The following PRKDC variants were observed in gnomAD, a reference collection of about 807,000 sequenced individuals.
PRKDC encodes protein kinase, DNA-activated, catalytic subunit.
A neutral mutation model predicts 486.9 loss-of-function variants in PRKDC; 82 were observed. That is an observed-to-expected ratio of 0.17 (90% confidence interval 0.14 to 0.20). PRKDC has a LOEUF of 0.20. Among genes scored for constraint, PRKDC ranks in the 10% least tolerant of loss-of-function variants. The pLI, the probability that PRKDC is intolerant of heterozygous loss-of-function variation, is 1.00. For missense variants in PRKDC, 4,504 were observed against 5,038.2 expected, an observed-to-expected ratio of 0.89 and a Z score of 3.21; for synonymous variants, 1,895 against 1,837.0, an observed-to-expected ratio of 1.03 and a Z score of -0.81.
At chr8:47,908,626 A>G (rs1005611029) in intron 25 of PRKDC, among the ~76,000 whole-genome samples, 1 of 152,188 alleles carries the variant, frequency 6.6e-6, no homozygotes, top group Non-Finnish European at 1.5e-5. Context: ...ACATCTATGC[A>G]CATGTCAAGA....
At chr8:47,889,252 C>T (rs373339392) in intron 32 of PRKDC, 30 bp from the exon 33 acceptor site, 84 of 1,540,580 alleles carry the variant, frequency 5.5e-5, no homozygotes, top group Non-Finnish European at 6.4e-5. Flanking sequence ...AAAAACACTT[C>T]GTCAGCCAGC....
intron 74 of PRKDC, among the ~76,000 whole-genome samples, 195 bp from the exon 75 acceptor site, chr8:47,789,433 T>C (rs1040462939): frequency 2.0e-5 from 3 of 151,778 alleles, no homozygotes; most frequent in Admixed American, 2.0e-4. Context: ...CACCCAATGT[T>C]AAATGAAGCA....
chr8:47,917,298 A>G (rs2090001844), intron 22 of PRKDC, among the ~76,000 whole-genome samples: 1 of 152,194 alleles, frequency 6.6e-6, no homozygotes, highest in African/African-American at 2.4e-5. Flanking sequence ...TTTTATTTGT[A>G]AAACTAGAGA....
rs1275741223 is a variant in PRKDC at position 47,860,895 on chromosome 8, C to T, written c.6058+4G>A. 9 of 1,601,038 alleles carry T rather than the reference C, an allele frequency of 5.6e-6. No homozygotes were observed. The highest frequency in any genetic ancestry group is 4.5e-5 in the East Asian group (2 of 44,732). On this transcript the variant is annotated splice_donor_region_variant and intron_variant, in intron 45 of 85. Coordinates refer to ENST00000314191, the MANE Select transcript of PRKDC (RefSeq NM_006904.7). ...CCTTTCTCATGATTTTGAAAACATC[C>T]TACCTGAATCCCCATTTGCTGCTTC... is the stretch of plus-strand genomic sequence containing the variant.
intron 26 of PRKDC, among the ~76,000 whole-genome samples, chr8:47,904,248 G>T (rs918007284): frequency 6.6e-6 from 1 of 152,130 alleles, no homozygotes; most frequent in African/African-American, 2.4e-5. Flanking sequence ...GATATACTCA[G>T]AAATTCTTCT....
chr8:47,775,632 A>G (rs990838715), intron 85 of PRKDC, among the ~76,000 whole-genome samples: 1 of 152,036 alleles, frequency 6.6e-6, no homozygotes, highest in Admixed American at 6.6e-5. Flanking sequence ...CAGATACATG[A>G]CTTGCAAATA....
At chr8:47,845,777 T>C (rs1233640230) in intron 54 of PRKDC, among the ~76,000 whole-genome samples, 1 of 151,528 alleles carries the variant, frequency 6.6e-6, no homozygotes, top group African/African-American at 2.4e-5. Flanking sequence ...GTACGAATCC[T>C]ACTGAAACTA....
chr8:47,798,488 CT>C (rs773311166), intron 72 of PRKDC, 91 bp from the exon 73 acceptor site: 10 of 1,347,728 alleles, frequency 7.4e-6, no homozygotes, highest in South Asian at 1.7e-5. Context: ...CCCTTTTTGG[CT>C]TGTATTTTGT....
At chr8:47,882,774 C>T (rs1260282429) in intron 36 of PRKDC, among the ~76,000 whole-genome samples, 3 of 152,368 alleles carry the variant, frequency 2.0e-5, no homozygotes, top group Non-Finnish European at 4.4e-5. Flanking sequence ...ACATTTTTCA[C>T]AGATGTTCCA....
At chr8:47,836,029 A>G (rs917739681) in intron 58 of PRKDC, among the ~76,000 whole-genome samples, 4 of 152,142 alleles carry the variant, frequency 2.6e-5, no homozygotes, top group African/African-American at 9.7e-5. Context: ...CAGCTGGAAT[A>G]ACAGGAATGA....
intron 63 of PRKDC, among the ~76,000 whole-genome samples, chr8:47,825,580 A>T (rs1287649827): frequency 1.3e-5 from 2 of 152,164 alleles, no homozygotes; most frequent in East Asian, 1.9e-4. Context: ...AAAATATCAC[A>T]AAAGTATGAG....
intron 22 of PRKDC, 114 bp downstream of exon 22, chr8:47,918,163 C>CTACTT (rs1463383396): frequency 1.0e-5 from 7 of 677,034 alleles, no homozygotes; most frequent in African/African-American, 1.8e-5. Context: ...ATATTGTACT[C>CTACTT]TACTTTGTAT....
chr8:47,791,993 C>T (rs917454229), intron 74 of PRKDC, among the ~76,000 whole-genome samples: 1 of 152,058 alleles, frequency 6.6e-6, no homozygotes, highest in Non-Finnish European at 1.5e-5. Context: ...TACATACATG[C>T]AATAGAGTAC....
At chr8:47,776,775 A>G in intron 85 of PRKDC, 69 bp downstream of exon 85, 2 of 1,559,600 alleles carry the variant, frequency 1.3e-6, no homozygotes, top group Non-Finnish European at 1.8e-6. Context: ...CTTTGTATAT[A>G]TGTTGGCTCC....
At chr8:47,903,569 C>T (rs933244658) in intron 26 of PRKDC, among the ~76,000 whole-genome samples, 1 of 152,172 alleles carries the variant, frequency 6.6e-6, no homozygotes, top group Admixed American at 6.5e-5. Flanking sequence ...GCAGAGGTCA[C>T]CAGCGCCAAG....
intron 65 of PRKDC, 66 bp from the exon 66 acceptor site, chr8:47,821,009 T>A (rs2087581678): frequency 1.0e-6 from 1 of 991,390 alleles, no homozygotes; most frequent in African/African-American, 1.6e-5. Context: ...ATTATTTTAT[T>A]TCTATTATAT....
At chr8:47,852,072 C>T (rs899938761) in intron 52 of PRKDC, among the ~76,000 whole-genome samples, 1 of 152,208 alleles carries the variant, frequency 6.6e-6, no homozygotes, top group African/African-American at 2.4e-5. Flanking sequence ...GCTATGATTA[C>T]ACCACTGCAC....
At position 47,828,204 on chromosome 8, in the gene PRKDC, G is replaced by A. The variant is rs1322058968; in HGVS notation, c.8541C>T (p.Thr2847=). 1.2e-6 allele frequency: 2 copies of A among 1,613,658 alleles called. No individual in the cohort carries two copies. The highest frequency in any genetic ancestry group is 1.3e-5 in the African/African-American group (1 of 74,926). ...LQDFNRFLNT[T]FSFFPPFVSC... ...AGACAAAGGGTGGAAAGAAAGAGAA[G>A]GTGGTATTAAGAAAACGATTGAAGT... The change falls in exon 62 of 86, where the codon ACC becomes ACT. Residue 2847 remains threonine, a synonymous_variant. Transcript: ENST00000314191.
intron 7 of PRKDC, among the ~76,000 whole-genome samples, chr8:47,945,183 C>T (rs1278069599): frequency 6.6e-6 from 1 of 152,208 alleles, no homozygotes; most frequent in Non-Finnish European, 1.5e-5. Context: ...ACAGTCCACT[C>T]TCCTGCAGCC....
Sources: allele counts gnomAD v4.1 joint callset (sites outside exome capture counted in the v4.1 genomes callset), GRCh38; gene constraint gnomAD v4.1.1; transcripts MANE v1.5; gene names NCBI Gene and HGNC (gene_info 2026-07-23, HGNC 2026-07-21).